KCNH1: variants seen among roughly 807,000 people sequenced by gnomAD.
KCNH1 encodes potassium voltage-gated channel subfamily H member 1.
In KCNH1, 27 loss-of-function variants were observed where a neutral mutation model predicts 69.2. The observed-to-expected ratio is 0.39, with a 90% CI of 0.29 to 0.54. KCNH1 has a LOEUF of 0.54. Among genes scored for constraint, KCNH1 ranks in the 20% least tolerant of loss-of-function variants. The pLI is 0.68. For synonymous variants in KCNH1, 456 were observed against 487.7 expected (o/e 0.93, Z 0.86); for missense variants, 798 against 1,261.6 (o/e 0.63, Z 5.57).
chr1:211,088,912 A>G (rs1389118951), intron 4 of KCNH1, among the ~76,000 whole-genome samples: 2 of 152,188 alleles, frequency 1.3e-5, no homozygotes, highest in African/African-American at 4.8e-5. Flanking sequence ...GGAGCATTTT[A>G]TTCCTGGAAA....
At chr1:210,762,697 A>AC (rs1405405566) in intron 10 of KCNH1, among the ~76,000 whole-genome samples, 4 of 152,068 alleles carry the variant, frequency 2.6e-5, no homozygotes, top group Admixed American at 1.3e-4. Context: ...CCTGAAAAAA[A>AC]CAATAGTGAG....
At position 210,811,701 on chromosome 1, in the gene KCNH1, A is replaced by G. The variant is rs371157076; in HGVS notation, c.1463-7535T>C. The stretch of plus-strand genomic sequence containing the variant: ...GCTTTGGCCCGATGTGCCCCATATG[A>G]AAGTGAAAAATGGTTTCCAAACCCG... On this transcript the variant is annotated intron_variant, in intron 7 of 10. Coordinates refer to ENST00000271751, the MANE Select transcript of KCNH1 (RefSeq NM_172362.3). 3.3e-5 allele frequency among the ~76,000 whole-genome samples: 5 copies of G among 152,168 alleles called. No individual in the cohort carries two copies. In the South Asian group the frequency reaches 6.2e-4, roughly 19 times the overall value.
chr1:210,697,572 A>G (rs1234423314), intron 10 of KCNH1, among the ~76,000 whole-genome samples: 1 of 152,260 alleles, frequency 6.6e-6, no homozygotes, highest in Non-Finnish European at 1.5e-5. Context: ...CAAGGCAGCA[A>G]GGCAAGTAAT....
chr1:211,043,460 C>G (rs987253186), intron 5 of KCNH1, among the ~76,000 whole-genome samples: 1 of 151,796 alleles, frequency 6.6e-6, no homozygotes, highest in African/African-American at 2.4e-5. Context: ...GAAATGGTAA[C>G]AAAAAAATTA....
At chr1:211,088,881 T>C (rs767783912) in intron 4 of KCNH1, among the ~76,000 whole-genome samples, 6 of 152,190 alleles carry the variant, frequency 3.9e-5, no homozygotes, top group Admixed American at 1.3e-4. Flanking sequence ...AAATGCATCA[T>C]TGAGGCAGGT....
intron 6 of KCNH1, among the ~76,000 whole-genome samples, chr1:210,955,694 C>T (rs1182211060): frequency 6.6e-6 from 1 of 152,056 alleles, no homozygotes; most frequent in Non-Finnish European, 1.5e-5. Flanking sequence ...CATGATTTGG[C>T]TCTCTGTTTG....
intron 1 of KCNH1, among the ~76,000 whole-genome samples, chr1:211,126,604 G>A (rs1691781470): frequency 6.6e-6 from 1 of 150,508 alleles, no homozygotes; most frequent in Non-Finnish European, 1.5e-5. Flanking sequence ...GATTACTTGA[G>A]CCTGGGAGGC....
At chr1:211,063,764 G>C (rs1315140871) in intron 5 of KCNH1, 1 of 145,392 alleles carries the variant, frequency 6.9e-6, no homozygotes, top group Non-Finnish European at 1.6e-5. Flanking sequence ...AAAGAGAGAT[G>C]GTTAATGGGT....
At chr1:211,084,785 C>CA (rs1690923145) in intron 4 of KCNH1, among the ~76,000 whole-genome samples, 1 of 152,182 alleles carries the variant, frequency 6.6e-6, no homozygotes, top group African/African-American at 2.4e-5. Context: ...TTTATAATGG[C>CA]AATCATGCCT....
At chr1:211,063,940 T>C (rs1690482497) in intron 5 of KCNH1, among the ~76,000 whole-genome samples, 1 of 152,172 alleles carries the variant, frequency 6.6e-6, no homozygotes, top group Admixed American at 6.5e-5. Context: ...AAATATCACA[T>C]GTATCCCATA....
intron 6 of KCNH1, among the ~76,000 whole-genome samples, chr1:210,972,448 T>C (rs993870641): frequency 6.6e-6 from 1 of 152,138 alleles, no homozygotes; most frequent in African/African-American, 2.4e-5. Context: ...TCTTTAATGA[T>C]TTCAGTTGCC....
chr1:211,029,601 T>C (rs2102421630), intron 5 of KCNH1, among the ~76,000 whole-genome samples: 1 of 152,188 alleles, frequency 6.6e-6, no homozygotes, highest in Admixed American at 6.5e-5. Context: ...AACATTACTC[T>C]TAATGGTGAA....
chr1:211,010,704 C>T (rs1328794206), intron 6 of KCNH1, among the ~76,000 whole-genome samples: 1 of 152,170 alleles, frequency 6.6e-6, no homozygotes, highest in African/African-American at 2.4e-5. Context: ...CCCTAGAATG[C>T]CCCTCACATT....
At chr1:210,938,483 A>C (rs1230667756) in intron 6 of KCNH1, among the ~76,000 whole-genome samples, 1 of 152,202 alleles carries the variant, frequency 6.6e-6, no homozygotes, top group African/African-American at 2.4e-5. Flanking sequence ...ACACAACCCC[A>C]CTTAAACTAG....
intron 7 of KCNH1, among the ~76,000 whole-genome samples, chr1:210,915,515 C>T (rs911191083): frequency 1.7e-5 from 2 of 119,404 alleles, no homozygotes; most frequent in African/African-American, 6.4e-5. Flanking sequence ...CAGCCCCTGC[C>T]GGAGACTACC....
chr1:210,756,756 T>C (rs532350125), intron 10 of KCNH1, among the ~76,000 whole-genome samples: 57 of 152,302 alleles, frequency 3.7e-4, no homozygotes, highest in African/African-American at 1.2e-3. Flanking sequence ...CCACTTGTTC[T>C]TGGGGTCCCT....
intron 10 of KCNH1, among the ~76,000 whole-genome samples, chr1:210,723,711 CAT>C (rs757096137): frequency 8.8e-4 from 134 of 152,208 alleles, no homozygotes; most frequent in Non-Finnish European, 1.4e-3. Context: ...AAGGGGAAAA[CAT>C]ACCAAAAAAC....
At chr1:211,064,304 C>T (rs1690488892) in intron 5 of KCNH1, among the ~76,000 whole-genome samples, 1 of 152,278 alleles carries the variant, frequency 6.6e-6, no homozygotes, top group African/African-American at 2.4e-5. Context: ...CTCACGCCTG[C>T]AATCCCAACA....
At chr1:211,023,282 C>T (rs75200812) in intron 5 of KCNH1, among the ~76,000 whole-genome samples, 5,758 of 151,608 alleles carry the variant, frequency 0.038, 222 homozygotes, top group South Asian at 0.12. Flanking sequence ...AATAGAACTA[C>T]GATATGATTC....
Sources: gnomAD v4.1 joint callset for allele counts (sites outside exome capture counted in the v4.1 genomes callset) on GRCh38, gnomAD v4.1.1 for gene constraint, MANE v1.5 for transcripts, NCBI Gene and HGNC (gene_info 2026-07-23, HGNC 2026-07-21) for gene names.